The following TENM2 variants were observed in gnomAD, a reference collection of about 807,000 sequenced individuals.
TENM2 encodes the protein teneurin transmembrane protein 2, also known as teneurin-2.
Under a neutral mutation model 245.2 loss-of-function variants are expected in TENM2, and 52 were observed. That is an observed-to-expected ratio of 0.21 (90% CI 0.17 to 0.27). TENM2 has a LOEUF of 0.27. Ranked by LOEUF, TENM2 falls within the 10% of genes least tolerant of loss-of-function variation. TENM2 has a pLI of 1.00. For synonymous variants in TENM2, 1,363 were observed against 1,438.9 expected (o/e 0.95, Z 1.19); for missense variants, 3,046 against 3,666.8 (o/e 0.83, Z 4.37).
intron 2 of TENM2, among the ~76,000 whole-genome samples, chr5:167,480,862 T>G (rs932130151): frequency 1.3e-5 from 2 of 152,218 alleles, no homozygotes; most frequent in Non-Finnish European, 2.9e-5. Flanking sequence ...TTGGTAGTTT[T>G]ATTTTTAAGA....
intron 5 of TENM2, among the ~76,000 whole-genome samples, chr5:168,042,093 G>C (rs1168511984): frequency 6.6e-6 from 1 of 152,122 alleles, no homozygotes; most frequent in East Asian, 1.9e-4. Flanking sequence ...CGGAGACCCA[G>C]CCCTAACCCT....
At chr5:168,007,910 A>G (rs931292053) in intron 5 of TENM2, among the ~76,000 whole-genome samples, 8 of 152,224 alleles carry the variant, frequency 5.3e-5, no homozygotes, top group Non-Finnish European at 7.3e-5. Context: ...CAACTGTAAG[A>G]AATGGTTGAT....
chr5:168,082,055 C>G (rs1239543935), intron 7 of TENM2, among the ~76,000 whole-genome samples: 1 of 152,248 alleles, frequency 6.6e-6, no homozygotes, highest in Non-Finnish European at 1.5e-5. Flanking sequence ...CTGCCTGTCA[C>G]TTTCAGGCAC....
intron 2 of TENM2, among the ~76,000 whole-genome samples, chr5:167,464,466 T>C (rs906479063): frequency 6.6e-6 from 1 of 152,140 alleles, no homozygotes; most frequent in Non-Finnish European, 1.5e-5. Flanking sequence ...GGATACACAG[T>C]TTTTATAACA....
chr5:168,029,490 T>C (rs1041682737), intron 5 of TENM2, among the ~76,000 whole-genome samples: 1 of 152,200 alleles, frequency 6.6e-6, no homozygotes, highest in African/African-American at 2.4e-5. Context: ...GGAATGCTTA[T>C]AGACAGATGT....
intron 2 of TENM2, among the ~76,000 whole-genome samples, chr5:167,429,551 A>G (rs1301279700): frequency 6.7e-6 from 1 of 149,512 alleles, no homozygotes; most frequent in Non-Finnish European, 1.5e-5. Flanking sequence ...ACTTGTGGGG[A>G]GAGCCGTGGA....
chr5:167,873,240 G>C (rs1045906994), intron 2 of TENM2, among the ~76,000 whole-genome samples: 1 of 152,198 alleles, frequency 6.6e-6, no homozygotes, highest in Non-Finnish European at 1.5e-5. Context: ...GGATGATAGC[G>C]GCTGTAAATG....
intron 2 of TENM2, among the ~76,000 whole-genome samples, chr5:167,777,809 T>C (rs533418194): frequency 1.4e-4 from 21 of 152,336 alleles, no homozygotes; most frequent in African/African-American, 5.1e-4. Context: ...AAAGCTTAGC[T>C]CTTCATGTCA....
At chr5:168,256,303 T>G (rs1767654141) in intron 27 of TENM2, among the ~76,000 whole-genome samples, 2 of 151,884 alleles carry the variant, frequency 1.3e-5, no homozygotes, top group South Asian at 4.2e-4. Context: ...ACCAGTGCTC[T>G]CCACCCAGGA....
At chr5:167,557,286 C>T (rs531994167) in intron 2 of TENM2, among the ~76,000 whole-genome samples, 2 of 152,264 alleles carry the variant, frequency 1.3e-5, no homozygotes, top group African/African-American at 4.8e-5. Flanking sequence ...CTTACCATCA[C>T]GATTGTCACC....
intron 2 of TENM2, among the ~76,000 whole-genome samples, chr5:167,638,194 T>A (rs1249227650): frequency 6.6e-6 from 1 of 151,084 alleles, no homozygotes; most frequent in African/African-American, 2.4e-5. Flanking sequence ...CACTGGAAAA[T>A]TCATTGACCA....
chr5:168,044,175 G>C (rs1186259735), intron 5 of TENM2, among the ~76,000 whole-genome samples: 4 of 152,186 alleles, frequency 2.6e-5, no homozygotes, highest in Admixed American at 2.6e-4. Flanking sequence ...CAGCACTTTG[G>C]GAGGCCGAGG....
chr5:167,779,338 C>A (rs780809344), intron 2 of TENM2, among the ~76,000 whole-genome samples: 1 of 152,166 alleles, frequency 6.6e-6, no homozygotes, highest in Admixed American at 6.5e-5. Context: ...TTAGCGACTG[C>A]AACCAAGAAG....
chr5:167,670,684 C>T (rs1401019345), intron 2 of TENM2, among the ~76,000 whole-genome samples: 3 of 152,178 alleles, frequency 2.0e-5, no homozygotes, highest in Admixed American at 6.5e-5. Context: ...CTGACTTCCA[C>T]TTCCTGTCTC....
At chr5:168,168,255 T>G (rs1758482280) in intron 13 of TENM2, among the ~76,000 whole-genome samples, 2 of 152,318 alleles carry the variant, frequency 1.3e-5, no homozygotes, top group African/African-American at 4.8e-5. Flanking sequence ...AAAATAATGG[T>G]GTTCCCTGGG....
rs1763365695 is a variant in TENM2 at position 168,218,175 on chromosome 5, C to T, written c.4284C>T (p.Ser1428=). 6.2e-7 allele frequency: 1 copy of T among 1,613,934 alleles called. No individual in the cohort carries two copies. Among genetic ancestry groups the T allele is most frequent in the Non-Finnish European group, 8.5e-7 (1 of 1,179,864 alleles). Residue 1428 remains serine (S), a synonymous_variant, in exon 23 of 29, where the codon TCC becomes TCT. Transcript: ENST00000518659. The surrounding 1 kb of genome is among the most constrained non-coding windows in gnomAD (Gnocchi z 5.2). ...TTGCTGTCAATCCCATGGATAACTC[C>T]TTGTATGTTCTAGAGAACAATGTCA... is the stretch of plus-strand genomic sequence containing the variant.
At position 167,799,872 on chromosome 5, in the gene TENM2, T is replaced by G. The variant is rs533235344; in HGVS notation, c.503-76114T>G. Among the ~76,000 whole-genome samples, 10 of 152,352 alleles carry G rather than the reference T, an allele frequency of 6.6e-5. 1 individual carries two copies. In the South Asian group the frequency reaches 1.7e-3, roughly 25 times the overall value. On this transcript the variant is annotated intron_variant, in intron 2 of 28. Transcript: ENST00000518659. ...CAGTTATCAGACTCATGGGAGATGT[T>G]GGCTTTGTACCAAAATTCAGATACC...
intron 2 of TENM2, among the ~76,000 whole-genome samples, chr5:167,557,553 T>G (rs1461902443): frequency 5.9e-5 from 9 of 152,236 alleles, no homozygotes; most frequent in Non-Finnish European, 1.3e-4. Context: ...CTTGGAAGCA[T>G]GCCAAGCATG....
chr5:167,941,219 T>G (rs1779149472), intron 3 of TENM2, among the ~76,000 whole-genome samples: 2 of 152,146 alleles, frequency 1.3e-5, no homozygotes, highest in South Asian at 4.2e-4. Flanking sequence ...AAACCTTGAT[T>G]TTATTTTAAG....
Sources: allele counts gnomAD v4.1 joint callset (sites outside exome capture counted in the v4.1 genomes callset), GRCh38; gene constraint gnomAD v4.1.1; non-coding constraint Gnocchi (gnomAD v3.1); transcripts MANE v1.5; gene names NCBI Gene and HGNC (gene_info 2026-07-23, HGNC 2026-07-21).